Variants in ERCC6 observed in about 807,000 individuals in gnomAD.
ERCC6 encodes the protein DNA excision repair protein ERCC-6.
Under a neutral mutation model 158.7 loss-of-function variants are expected in ERCC6, and 116 were observed. The observed-to-expected ratio is 0.73, with a 90% confidence interval of 0.63 to 0.85. The LOEUF is 0.85. Among genes scored for constraint, ERCC6 ranks in the 40% least tolerant of loss-of-function variants. ERCC6 has a pLI of 0.00. For missense variants in ERCC6, 1,698 were observed against 1,799.4 expected, an observed-to-expected ratio of 0.94 and a Z score of 1.02; for synonymous variants, 678 against 659.3, an observed-to-expected ratio of 1.03 and a Z score of -0.43.
chr10:49,528,545 A>G lies in ERCC6; in HGVS notation c.544-20T>C. On this transcript the variant is annotated intron_variant, in intron 3 of 20. Transcript: ENST00000355832. The stretch of plus-strand genomic sequence containing the variant: ...TTGTTCCTTGAATGGTAAATATAGA[A>G]GACAGAAAACAGCAATGAAGTGATT... 6.2e-7 allele frequency: 1 copy of G among 1,613,892 alleles called. No individual in the cohort carries two copies. Among genetic ancestry groups the G allele is most frequent in the Non-Finnish European group, 8.5e-7 (1 of 1,179,814 alleles).
chr10:49,533,944 G>A (rs1474304685), intron 1 of ERCC6, among the ~76,000 whole-genome samples: 2 of 151,896 alleles, frequency 1.3e-5, no homozygotes, highest in Non-Finnish European at 2.9e-5. Flanking sequence ...GACCAGCCTG[G>A]CAAACATGGT....
chr10:49,439,699 T>C, the ERCC6 span, among the ~76,000 whole-genome samples: 1 of 152,230 alleles, frequency 6.6e-6, no homozygotes. Context: ...CAAACTTTTA[T>C]GCACTGCTTC....
downstream of ERCC6, among the ~76,000 whole-genome samples, chr10:49,451,496 T>A (rs1405616351): frequency 1.3e-5 from 2 of 152,220 alleles, no homozygotes; most frequent in South Asian, 4.1e-4. Context: ...TGAAAGGGTG[T>A]TGGATTTATT....
chr10:49,461,568 A>G lies in ERCC6; in HGVS notation c.3779-12T>C, dbSNP rs774230628. The G allele has an allele frequency of 6.2e-7, 1 of 1,608,164 alleles. No individual in the cohort carries two copies. The highest frequency in any genetic ancestry group is 8.5e-7 in the Non-Finnish European group (1 of 1,176,876). ...ACTGTGCACGCCAACTAGCAAGAAA[A>G]GAAATAGCAAAGTGATATTTCACTC... On this transcript the variant is annotated splice_polypyrimidine_tract_variant and intron_variant, in intron 18 of 20. Transcript: ENST00000355832.
intron 7 of ERCC6, among the ~76,000 whole-genome samples, chr10:49,499,669 C>T (rs1345237655): frequency 2.0e-5 from 3 of 152,088 alleles, no homozygotes; most frequent in South Asian, 2.1e-4. Context: ...CATAATTTAC[C>T]GACCAATATT....
intron 6 of ERCC6, chr10:49,505,128 T>C (rs914876494): frequency 1.3e-5 from 2 of 152,176 alleles, no homozygotes; most frequent in African/African-American, 4.8e-5. Flanking sequence ...TAACTTCCTA[T>C]ATGCATCTAA....
intron 4 of ERCC6, chr10:49,525,023 AATATAC>A (rs1217129368): frequency 1.2e-6 from 1 of 849,728 alleles, no homozygotes; most frequent in East Asian, 3.1e-5. Flanking sequence ...TTTCACTATA[AATATAC>A]TCTCTGCCAT....
intron 8 of ERCC6, among the ~76,000 whole-genome samples, chr10:49,489,475 G>C (rs1247035228): frequency 6.6e-6 from 1 of 152,160 alleles, no homozygotes; most frequent in Non-Finnish European, 1.5e-5. Context: ...ATTCGCCCAA[G>C]CTTGCAAAGT....
chr10:49,445,021 T>C, the ERCC6 span, among the ~76,000 whole-genome samples: 1 of 152,078 alleles, frequency 6.6e-6, no homozygotes, highest in Non-Finnish European at 1.5e-5. Flanking sequence ...GATGAGTTGA[T>C]TTAAAAAAAA....
chr10:49,525,125 G>A (rs1452661408), intron 4 of ERCC6: 3 of 292,098 alleles, frequency 1.0e-5, no homozygotes, highest in Non-Finnish European at 1.9e-5. Flanking sequence ...AGTCGTCCAT[G>A]AGGAAGCAAG....
At chr10:49,537,494 T>C (rs981329639) in intron 1 of ERCC6, among the ~76,000 whole-genome samples, 2 of 142,486 alleles carry the variant, frequency 1.4e-5, no homozygotes, top group South Asian at 2.3e-4. Flanking sequence ...AAACTATATA[T>C]ATATATATAC....
intron 5 of ERCC6, among the ~76,000 whole-genome samples, chr10:49,523,268 C>G (rs1199704733): frequency 1.3e-5 from 2 of 152,204 alleles, no homozygotes; most frequent in Non-Finnish European, 2.9e-5. Flanking sequence ...GCACAGTGTT[C>G]AGTGGGCCAC....
At chr10:49,529,524 C>T (rs1837419436) in intron 3 of ERCC6, among the ~76,000 whole-genome samples, 1 of 152,182 alleles carries the variant, frequency 6.6e-6, no homozygotes, top group African/African-American at 2.4e-5. Context: ...GATGTCCTCT[C>T]TCTGATTTGG....
chr10:49,517,162 G>C, intron 5 of ERCC6: 2 of 1,519,130 alleles, frequency 1.3e-6, no homozygotes, highest in Non-Finnish European at 1.8e-6. Flanking sequence ...AGTGGTAGTG[G>C]TTTTGCCTAG....
At position 49,473,552 on chromosome 10, in the gene ERCC6, T is replaced by C. The variant is rs2132541096; in HGVS notation, c.2634A>G (p.Gln878=). The part of the protein sequence containing the change: ...LDILEVFLRA[Q]KYTYLKMDGT... Reference sequence around the variant, plus strand: ...CATCCATCTTGAGATAGGTATACTTTTGGGCTCTAAGGAATACTTCAAGTA... The same window carrying C: ...CATCCATCTTGAGATAGGTATACTTCTGGGCTCTAAGGAATACTTCAAGTA... Residue 878 remains glutamine (Q), a synonymous_variant, in exon 14 of 21, where the codon CAA becomes CAG. Transcript: ENST00000355832. The C allele has an allele frequency of 6.2e-7, 1 of 1,613,280 alleles. No homozygotes were observed. Among genetic ancestry groups the C allele is most frequent in the African/African-American group, 1.3e-5 (1 of 75,004 alleles).
At chr10:49,472,002 G>A (rs911692716) in intron 16 of ERCC6, among the ~76,000 whole-genome samples, 1 of 152,184 alleles carries the variant, frequency 6.6e-6, no homozygotes, top group African/African-American at 2.4e-5. Flanking sequence ...GATCCTACCT[G>A]CATAATGTGG....
chr10:49,483,351 T>G lies in ERCC6; in HGVS notation c.1987A>C (p.Lys663Gln). ...NPNAAVTLAC[K>Q]QFRTPHRIIL... ...CTTGTTAAAAGAGGTCATACCTGTT[T>G]GCAAGCAAGGGTGACAGCAGCATTT... Residue 663 changes from lysine to glutamine, a missense_variant, in exon 9 of 21, where the codon AAA becomes CAA. By Grantham distance (53) the Lys-to-Gln change is moderately conservative. Coordinates refer to ENST00000355832, the MANE Select transcript of ERCC6 (RefSeq NM_000124.4). 1 of 1,614,170 alleles carries G rather than the reference T, an allele frequency of 6.2e-7. No individual in the cohort carries two copies. The highest frequency in any genetic ancestry group is 8.5e-7 in the Non-Finnish European group (1 of 1,179,992).
intron 5 of ERCC6, chr10:49,516,997 C>T (rs1487633812): frequency 6.2e-7 from 1 of 1,613,998 alleles, no homozygotes; most frequent in Non-Finnish European, 8.5e-7. Flanking sequence ...CCTGATTCCT[C>T]ATCAGAAACA....
At chr10:49,452,624 A>T (rs1017959439), downstream of ERCC6, among the ~76,000 whole-genome samples, 2 of 152,048 alleles carry the variant, frequency 1.3e-5, no homozygotes, top group African/African-American at 4.8e-5. Flanking sequence ...CAAGTTTTCT[A>T]TTTCATTGTT....
Sources: allele counts gnomAD v4.1 joint callset (sites outside exome capture counted in the v4.1 genomes callset), GRCh38; gene constraint gnomAD v4.1.1; transcripts MANE v1.5; gene names NCBI Gene and HGNC (gene_info 2026-07-23, HGNC 2026-07-21).